The following SLC25A48 variants were observed in gnomAD, a reference collection of about 807,000 sequenced individuals.
SLC25A48 encodes solute carrier family 25 member 48.
In SLC25A48, 29 loss-of-function variants were observed where a neutral mutation model predicts 32.2. The observed-to-expected ratio is 0.90, with a 90% CI of 0.67 to 1.23. The LOEUF is 1.23. SLC25A48 is among the 50% of genes most tolerant of loss of function. SLC25A48 has a pLI of 0.00. For missense variants in SLC25A48, 399 were observed against 422.7 expected (o/e 0.94, Z 0.49); for synonymous variants, 164 against 172.3 (o/e 0.95, Z 0.38).
intron 3 of SLC25A48, among the ~76,000 whole-genome samples, chr5:135,645,831 GT>G (rs1302799534): frequency 6.6e-6 from 1 of 152,184 alleles, no homozygotes. Context: ...GTAGGCTCAT[GT>G]GCTGTTTGGA....
At chr5:135,724,091 C>A (rs946105829) in intron 3 of SLC25A48, among the ~76,000 whole-genome samples, 2 of 152,214 alleles carry the variant, frequency 1.3e-5, no homozygotes, top group Non-Finnish European at 2.9e-5. Flanking sequence ...AGAGACTGTC[C>A]TTTTCAATGG....
intron 3 of SLC25A48, among the ~76,000 whole-genome samples, chr5:135,667,527 C>T (rs571285081): frequency 6.6e-6 from 1 of 152,192 alleles, no homozygotes; most frequent in Non-Finnish European, 1.5e-5. Flanking sequence ...GCTTGTGTAA[C>T]CACCCTTAGC....
At chr5:135,617,328 A>G (rs1752213380) in intron 1 of SLC25A48, among the ~76,000 whole-genome samples, 1 of 151,776 alleles carries the variant, frequency 6.6e-6, no homozygotes, top group African/African-American at 2.4e-5. Context: ...CAGATTTTGT[A>G]TATTGGGGTC....
chr5:135,677,616 A>G (rs1753802575), intron 3 of SLC25A48, among the ~76,000 whole-genome samples: 1 of 151,878 alleles, frequency 6.6e-6, no homozygotes, highest in Admixed American at 6.6e-5. Flanking sequence ...TTACCAGTGA[A>G]TGTTATATTT....
At chr5:135,597,196 ATATCTC>A (rs960515733) in intron 1 of SLC25A48, among the ~76,000 whole-genome samples, 1 of 152,234 alleles carries the variant, frequency 6.6e-6, no homozygotes. Flanking sequence ...TGCCAGGCAC[ATATCTC>A]TATCTCTATC....
chr5:135,783,966 GA>G (rs1351220920), intron 3 of SLC25A48, among the ~76,000 whole-genome samples: 2 of 117,738 alleles, frequency 1.7e-5, no homozygotes, highest in African/African-American at 5.2e-5. Context: ...AATCAGGGGG[GA>G]AAAGGATGAT....
At chr5:135,847,140 T>C (rs1469814795) in intron 2 of SLC25A48, among the ~76,000 whole-genome samples, 1 of 152,188 alleles carries the variant, frequency 6.6e-6, no homozygotes, top group Non-Finnish European at 1.5e-5. Flanking sequence ...TGGAGATATT[T>C]TCCATAATAA....
intron 1 of SLC25A48, among the ~76,000 whole-genome samples, chr5:135,615,240 G>A (rs781556519): frequency 6.6e-6 from 1 of 152,192 alleles, no homozygotes; most frequent in South Asian, 2.1e-4. Flanking sequence ...AAGAAAATAG[G>A]AAGATGAGGG....
chr5:135,741,360 C>T (rs566021974), intron 3 of SLC25A48, among the ~76,000 whole-genome samples: 2 of 152,256 alleles, frequency 1.3e-5, no homozygotes, highest in African/African-American at 4.8e-5. Flanking sequence ...AAACATTTTC[C>T]GCAAGGGCCA....
intron 1 of SLC25A48, among the ~76,000 whole-genome samples, chr5:135,839,015 A>G (rs544601575): frequency 6.6e-6 from 1 of 152,338 alleles, no homozygotes; most frequent in East Asian, 1.9e-4. Flanking sequence ...AGCTTGCACC[A>G]TGCACCTGGA....
intron 3 of SLC25A48, among the ~76,000 whole-genome samples, chr5:135,697,585 C>T (rs79376104): frequency 0.031 from 4,666 of 152,286 alleles, 258 homozygotes; most frequent in African/African-American, 0.11. Flanking sequence ...TGAGCCCCAA[C>T]TGCACACTCT....
intron 3 of SLC25A48, among the ~76,000 whole-genome samples, chr5:135,686,166 T>C (rs1168030353): frequency 6.6e-6 from 1 of 152,244 alleles, no homozygotes; most frequent in East Asian, 1.9e-4. Flanking sequence ...ACACATCAGT[T>C]AATCTCTCTG....
intron 3 of SLC25A48, among the ~76,000 whole-genome samples, chr5:135,764,042 T>C (rs1347836053): frequency 6.6e-6 from 1 of 152,138 alleles, no homozygotes; most frequent in Non-Finnish European, 1.5e-5. Flanking sequence ...TTTCGGGGGA[T>C]GTGATATGGT....
chr5:135,692,318 CAAAAA>C (rs55818262), intron 3 of SLC25A48, among the ~76,000 whole-genome samples: 2 of 122,770 alleles, frequency 1.6e-5, no homozygotes, highest in Admixed American at 8.6e-5. Flanking sequence ...GACCCCGTCT[CAAAAA>C]AAAAAAAAAA....
intron 1 of SLC25A48, among the ~76,000 whole-genome samples, chr5:135,620,356 C>T (rs1463147844): frequency 6.6e-6 from 1 of 152,072 alleles, no homozygotes; most frequent in Non-Finnish European, 1.5e-5. Flanking sequence ...TCCTTCGGGC[C>T]ACCCAGTGGT....
At chr5:135,853,384 G>C (rs1760053547) in intron 4 of SLC25A48, among the ~76,000 whole-genome samples, 1 of 152,218 alleles carries the variant, frequency 6.6e-6, no homozygotes, top group Admixed American at 6.5e-5. Flanking sequence ...TTTACCCACA[G>C]TAGAACTTCT....
chr5:135,723,261 A>G (rs867327271), intron 3 of SLC25A48, among the ~76,000 whole-genome samples: 1 of 152,150 alleles, frequency 6.6e-6, no homozygotes, highest in Non-Finnish European at 1.5e-5. Flanking sequence ...TTGGCGAATC[A>G]ATTCACTATT....
At chr5:135,641,808 C>G (rs1331290897) in intron 3 of SLC25A48, among the ~76,000 whole-genome samples, 4 of 152,182 alleles carry the variant, frequency 2.6e-5, no homozygotes, top group Non-Finnish European at 4.4e-5. Context: ...AACAGGAATG[C>G]TCCAATACAT....
At position 135,778,492 on chromosome 5, in the gene SLC25A48, G is replaced by T. The variant is rs1160444295; in HGVS notation, c.-520-34031G>T. ...TGTGATATGTTTCCTAATGTCCAGGGAGGAAGAGGATGATATTACTCCCAA... is the reference window on the plus strand; with the variant it reads ...TGTGATATGTTTCCTAATGTCCAGGTAGGAAGAGGATGATATTACTCCCAA... On this transcript the variant is annotated intron_variant, in intron 3 of 10. Transcript: ENST00000646290. Among the ~76,000 whole-genome samples the T allele has an allele frequency of 2.0e-5, 3 of 151,634 alleles. No individual in the cohort carries two copies. In the South Asian group the frequency reaches 6.3e-4, roughly 32 times the overall value.
Sources: allele counts gnomAD v4.1 joint callset (sites outside exome capture counted in the v4.1 genomes callset), GRCh38; gene constraint gnomAD v4.1.1; transcripts MANE v1.5; gene names NCBI Gene and HGNC (gene_info 2026-07-23, HGNC 2026-07-21).